KCNQ1: variants seen among roughly 807,000 people sequenced by gnomAD.
KCNQ1 encodes potassium voltage-gated channel subfamily Q member 1.
Under a neutral mutation model 72.4 loss-of-function variants are expected in KCNQ1, and 49 were observed. The observed-to-expected ratio is 0.68, with a 90% confidence interval of 0.54 to 0.86. The LOEUF is 0.86. Ranked by LOEUF, KCNQ1 falls within the 40% of genes least tolerant of loss-of-function variation. The pLI, the probability that KCNQ1 is intolerant of heterozygous loss-of-function variation, is 0.00. For missense variants in KCNQ1, 790 were observed against 945.1 expected (o/e 0.84, Z 2.15); for synonymous variants, 450 against 412.6 (o/e 1.09, Z -1.10).
rs1440077754 is a variant in KCNQ1, at chr11:2,492,756, A to G, written c.387-35172A>G. Among the ~76,000 whole-genome samples, 1 of 152,090 alleles carries G rather than the reference A, an allele frequency of 6.6e-6. No homozygotes were observed. The highest frequency in any genetic ancestry group is 1.9e-4 in the East Asian group (1 of 5,198). ...ATTTTCTTTATCCAGCCTATCATTG[A>G]TGGGCATTTGGGTTGGTTCCAAGTC... On this transcript the variant is annotated intron_variant, in intron 1 of 15. Transcript: ENST00000155840. The surrounding 1 kb of genome is among the most constrained non-coding windows in gnomAD (Gnocchi z 4.1).
intron 15 of KCNQ1, among the ~76,000 whole-genome samples, chr11:2,829,971 GGAA>G (rs1289161086): frequency 2.1e-5 from 3 of 143,346 alleles, no homozygotes; most frequent in Non-Finnish European, 4.6e-5. Flanking sequence ...AGGATGAGAA[GGAA>G]GGAGGAGGGA....
Position 2,563,672 on chromosome 11 carries a change from C to T in KCNQ1, c.478-6956C>T, listed in dbSNP as rs567454494. On this transcript the variant is annotated intron_variant, in intron 2 of 15. Transcript: ENST00000155840. This position sits in a 1 kb window ranked among gnomAD's most constrained non-coding sequence, Gnocchi z 7.4. ...TGTCCCGTTGGCATCCAGGGCCCCC[C>T]GTGAAGGATGGCACCGAGCACCATT... is the stretch of plus-strand genomic sequence containing the variant. Among the ~76,000 whole-genome samples the T allele has an allele frequency of 1.8e-4, 28 of 152,314 alleles. No individual in the cohort carries two copies. The East Asian group carries it at 3.5e-3, about 19-fold the overall frequency.
At chr11:2,580,364 G>C (rs1848481391) in intron 6 of KCNQ1, among the ~76,000 whole-genome samples, 1 of 152,114 alleles carries the variant, frequency 6.6e-6, no homozygotes, top group African/African-American at 2.4e-5. Flanking sequence ...TACAGTGGAG[G>C]CATGTAAAAA....
chr11:2,777,765 G>T (rs1177188536), intron 14 of KCNQ1: 2 of 631,592 alleles, frequency 3.2e-6, no homozygotes, highest in Non-Finnish European at 5.7e-6. Context: ...GAGCAGGATG[G>T]AGCCCAGGTC....
At position 2,723,776 on chromosome 11, in the gene KCNQ1, C is replaced by T. The variant is rs553075351; in HGVS notation, c.1515-45068C>T. On this transcript the variant is annotated intron_variant, in intron 11 of 15. Transcript: ENST00000155840. This position sits in a 1 kb window ranked among gnomAD's most constrained non-coding sequence, Gnocchi z 4.2. ...TGGGGCCTCACTAACCGCTGGTGGCCGCAGGGTTCCCAGCCACTCGGTGCA... is the reference window on the plus strand; with the variant it reads ...TGGGGCCTCACTAACCGCTGGTGGCTGCAGGGTTCCCAGCCACTCGGTGCA... 3.3e-5 allele frequency among the ~76,000 whole-genome samples: 5 copies of T among 152,132 alleles called. No homozygotes were observed. The highest frequency in any genetic ancestry group is 2.1e-4 in the South Asian group (1 of 4,818).
chr11:2,622,636 T>C (rs535682046), intron 10 of KCNQ1: 11 of 398,628 alleles, frequency 2.8e-5, no homozygotes, highest in African/African-American at 2.1e-4. Flanking sequence ...TTACTGCCTT[T>C]TTTTGTGTTT....
intron 1 of KCNQ1, among the ~76,000 whole-genome samples, chr11:2,501,542 T>A (rs1454071526): frequency 6.6e-6 from 1 of 151,820 alleles, no homozygotes; most frequent in Non-Finnish European, 1.5e-5. Context: ...TTTAAAAATC[T>A]TCCAACAAAG....
chr11:2,457,052 T>C lies in KCNQ1; in HGVS notation c.386+11568T>C, dbSNP rs1846206611. Among the ~76,000 whole-genome samples, 1 of 151,732 alleles carries C rather than the reference T, an allele frequency of 6.6e-6. No homozygotes were observed. Reference sequence around the variant, plus strand: ...AACAGTCAAACACATGAAAAAATGCTCATCACTGATCATCAGAGAAATGCA... The same window carrying C: ...AACAGTCAAACACATGAAAAAATGCCCATCACTGATCATCAGAGAAATGCA... On this transcript the variant is annotated intron_variant, in intron 1 of 15. Coordinates refer to ENST00000155840, the MANE Select transcript of KCNQ1 (RefSeq NM_000218.3). The surrounding 1 kb of genome is among the most constrained non-coding windows in gnomAD (Gnocchi z 5.0).
At position 2,815,959 on chromosome 11, in the gene KCNQ1, C is replaced by G. The variant is rs1847604946; in HGVS notation, c.1795-31808C>G. On this transcript the variant is annotated intron_variant, in intron 15 of 15. Coordinates refer to ENST00000155840, the MANE Select transcript of KCNQ1 (RefSeq NM_000218.3). This position sits in a 1 kb window ranked among gnomAD's most constrained non-coding sequence, Gnocchi z 5.4. ...GGTGGAGGGGACTTGGGGGACCAGC[C>G]AGCTGGATATGTTCCCTTGCAGGCG... 6.6e-6 allele frequency among the ~76,000 whole-genome samples: 1 copy of G among 152,166 alleles called. No individual in the cohort carries two copies. Among genetic ancestry groups the G allele is most frequent in the South Asian group, 2.1e-4 (1 of 4,826 alleles).
chr11:2,615,352 C>T (rs1052710332), intron 10 of KCNQ1: 44 of 397,940 alleles, frequency 1.1e-4, no homozygotes, highest in African/African-American at 8.0e-4. Context: ...AAGAGTTTTA[C>T]TGCTTCCTTT....
rs1358202845 is a variant in KCNQ1, at chr11:2,710,440, T to C, written c.1514+48359T>C. 1.3e-5 allele frequency among the ~76,000 whole-genome samples: 2 copies of C among 152,236 alleles called. No individual in the cohort carries two copies. The highest frequency in any genetic ancestry group is 4.8e-5 in the African/African-American group (2 of 41,460). ...CTTTTTGTGGGTTGTCTTTTCACTTTCTTGATCATGTCCTTTGACTCACAA... is the reference window on the plus strand; with the variant it reads ...CTTTTTGTGGGTTGTCTTTTCACTTCCTTGATCATGTCCTTTGACTCACAA... On this transcript the variant is annotated intron_variant, in intron 11 of 15. Coordinates refer to ENST00000155840, the MANE Select transcript of KCNQ1 (RefSeq NM_000218.3). The surrounding 1 kb of genome is among the most constrained non-coding windows in gnomAD (Gnocchi z 4.1).
chr11:2,660,453 A>G (rs373186403), intron 10 of KCNQ1: 27 of 398,662 alleles, frequency 6.8e-5, no homozygotes, highest in Middle Eastern at 6.3e-4. Context: ...TAAAAGCAAC[A>G]TAATTCAGGT....
In KCNQ1 at chr11:2,657,669, C is replaced by T; in HGVS notation, c.1394-4292C>T. ...TATTTGGATTTCCCCAGTTTAACTACTAATGTCCTTTTTCTGTTCCAAGAT... is the reference window on the plus strand; with the variant it reads ...TATTTGGATTTCCCCAGTTTAACTATTAATGTCCTTTTTCTGTTCCAAGAT... On this transcript the variant is annotated intron_variant, in intron 10 of 15. Transcript: ENST00000155840. This position sits in a 1 kb window ranked among gnomAD's most constrained non-coding sequence, Gnocchi z 4.8. 2.5e-6 allele frequency: 1 copy of T among 398,626 alleles called. No homozygotes were observed. The highest frequency in any genetic ancestry group is 4.4e-6 in the Non-Finnish European group (1 of 226,050). 24.7% of individuals were successfully genotyped at this position (398,626 alleles called of 1,614,324 possible). A position where few individuals can be genotyped will look rare whatever the true frequency, so the allele number is the denominator to read the frequency against.
chr11:2,633,840 T>G (rs1849404680), intron 10 of KCNQ1: 2 of 398,572 alleles, frequency 5.0e-6, no homozygotes. Flanking sequence ...AGTCCCAGAG[T>G]CAGCCCTGTG....
rs1329290308 is a variant in KCNQ1 at position 2,464,283 on chromosome 11, G to C, written c.386+18799G>C. On this transcript the variant is annotated intron_variant, in intron 1 of 15. Coordinates refer to ENST00000155840, the MANE Select transcript of KCNQ1 (RefSeq NM_000218.3). The surrounding 1 kb of genome is among the most constrained non-coding windows in gnomAD (Gnocchi z 5.0). ...GGTCACCCCTGGGTGTGGGCTGTGG[G>C]TTTTAATCTTTTCATTTTTGCTCAT... Among the ~76,000 whole-genome samples the C allele has an allele frequency of 6.6e-6, 1 of 152,110 alleles. No homozygotes were observed. Among genetic ancestry groups the C allele is most frequent in the Non-Finnish European group, 1.5e-5 (1 of 68,012 alleles).
intron 10 of KCNQ1, chr11:2,646,756 T>G (rs539604287): frequency 1.6e-4 from 65 of 398,578 alleles, no homozygotes; most frequent in African/African-American, 1.3e-3. Flanking sequence ...GCTCAAGCAA[T>G]CCACCCGCCT....
chr11:2,779,572 CT>C (rs1255858296), intron 15 of KCNQ1, among the ~76,000 whole-genome samples: 1 of 152,198 alleles, frequency 6.6e-6, no homozygotes, highest in Non-Finnish European at 1.5e-5. Context: ...TTCCCCGCCA[CT>C]CCCTGCCAAG....
rs1023153623 is a variant in KCNQ1 at position 2,703,288 on chromosome 11, G to T, written c.1514+41207G>T. ...CCTTCTTGGGACTCAAGGCTGCAGG[G>T]GTGGGTGTGAGACAGAGAGCCTGGG... On this transcript the variant is annotated intron_variant, in intron 11 of 15. Coordinates refer to ENST00000155840, the MANE Select transcript of KCNQ1 (RefSeq NM_000218.3). The surrounding 1 kb of genome is among the most constrained non-coding windows in gnomAD (Gnocchi z 6.4). Among the ~76,000 whole-genome samples the T allele has an allele frequency of 6.6e-6, 1 of 152,150 alleles. No individual in the cohort carries two copies. The highest frequency in any genetic ancestry group is 2.4e-5 in the African/African-American group (1 of 41,418).
At chr11:2,607,687 A>G (rs942728962) in intron 10 of KCNQ1, among the ~76,000 whole-genome samples, 1 of 152,254 alleles carries the variant, frequency 6.6e-6, no homozygotes, top group African/African-American at 2.4e-5. Context: ...ATACTTTGTT[A>G]TAACAGTCTG....
Sources: gnomAD v4.1 joint callset for allele counts (sites outside exome capture counted in the v4.1 genomes callset) on GRCh38, gnomAD v4.1.1 for gene constraint, Gnocchi (gnomAD v3.1) non-coding constraint, MANE v1.5 for transcripts, NCBI Gene and HGNC (gene_info 2026-07-23, HGNC 2026-07-21) for gene names.